Variants in REDIC1 observed in about 807,000 individuals in gnomAD.
REDIC1 encodes regulator of DNA class I crossover intermediates 1, also known as HEI10 Interacting Protein 1.
the REDIC1 span, chr12:39,647,720 A>G: frequency 9.0e-7 from 1 of 1,113,528 alleles, no homozygotes; most frequent in Non-Finnish European, 1.2e-6. Context: ...TTTTAATTTC[A>G]CTATTTTGAC....
the REDIC1 span, among the ~76,000 whole-genome samples, chr12:39,730,095 G>T: frequency 2.0e-5 from 3 of 152,062 alleles, no homozygotes; most frequent in Admixed American, 6.6e-5. Flanking sequence ...ACACCTATGG[G>T]TCTTGAATTT....
chr12:39,799,781 C>G, the REDIC1 span, among the ~76,000 whole-genome samples: 1 of 152,212 alleles, frequency 6.6e-6, no homozygotes, highest in African/African-American at 2.4e-5. Flanking sequence ...CAGGATAACA[C>G]ATTCACATTA....
At chr12:39,669,112 A>C in the REDIC1 span, among the ~76,000 whole-genome samples, 40 of 152,102 alleles carry the variant, frequency 2.6e-4, no homozygotes, top group Admixed American at 2.6e-3. Context: ...GCGTTCCTTT[A>C]GAGTAGGAGA....
chr12:39,724,034 T>C, the REDIC1 span, among the ~76,000 whole-genome samples: 1 of 152,146 alleles, frequency 6.6e-6, no homozygotes, highest in South Asian at 2.1e-4. Flanking sequence ...CAGCTGCCAG[T>C]GCATGACTCA....
chr12:39,824,404 G>A, the REDIC1 span, among the ~76,000 whole-genome samples: 1 of 152,152 alleles, frequency 6.6e-6, no homozygotes, highest in African/African-American at 2.4e-5. Context: ...ATTCAATCAG[G>A]GGTCAGATGA....
At chr12:39,666,899 G>A in the REDIC1 span, among the ~76,000 whole-genome samples, 1 of 152,144 alleles carries the variant, frequency 6.6e-6, no homozygotes, top group Non-Finnish European at 1.5e-5. Flanking sequence ...ATTTCTGTGG[G>A]ATTGGTAGTG....
At chr12:39,814,714 C>T in the REDIC1 span, among the ~76,000 whole-genome samples, 2 of 152,130 alleles carry the variant, frequency 1.3e-5, no homozygotes, top group East Asian at 3.9e-4. Context: ...ACAAACCCTG[C>T]CTATCCTTCA....
the REDIC1 span, chr12:39,802,397 C>G: frequency 2.0e-5 from 3 of 151,922 alleles, no homozygotes; most frequent in African/African-American, 7.3e-5. Context: ...GTCTGAGAAA[C>G]AGAAAAAAGA....
chr12:39,660,050 T>A, the REDIC1 span, among the ~76,000 whole-genome samples: 2 of 152,092 alleles, frequency 1.3e-5, no homozygotes, highest in Non-Finnish European at 1.5e-5. Context: ...CCTTGAATTA[T>A]GAAATTTTCC....
the REDIC1 span, among the ~76,000 whole-genome samples, chr12:39,896,609 T>C: frequency 2.0e-5 from 3 of 151,420 alleles, no homozygotes; most frequent in Non-Finnish European, 4.4e-5. Context: ...TGTATGTATA[T>C]GTGTTTATAT....
the REDIC1 span, among the ~76,000 whole-genome samples, chr12:39,794,323 A>G: frequency 5.6e-3 from 848 of 152,224 alleles, 6 homozygotes; most frequent in Non-Finnish European, 9.5e-3. Flanking sequence ...AATTTCTGAC[A>G]GACACTCTTT....
the REDIC1 span, among the ~76,000 whole-genome samples, chr12:39,812,771 G>C: frequency 2.0e-5 from 3 of 148,160 alleles, no homozygotes; most frequent in Non-Finnish European, 4.5e-5. Flanking sequence ...TGCACCTGGC[G>C]GTTTCTAATT....
At chr12:39,885,598 T>C in the REDIC1 span, among the ~76,000 whole-genome samples, 1 of 152,102 alleles carries the variant, frequency 6.6e-6, no homozygotes, top group African/African-American at 2.4e-5. Context: ...GAATATTATA[T>C]TACCACCGAA....
At chr12:39,852,156 C>G in the REDIC1 span, among the ~76,000 whole-genome samples, 2 of 152,160 alleles carry the variant, frequency 1.3e-5, no homozygotes, top group Non-Finnish European at 2.9e-5. Flanking sequence ...TATAAAATAA[C>G]TAGCATGGTA....
the REDIC1 span, chr12:39,640,820 G>A: frequency 1.9e-6 from 1 of 533,188 alleles, no homozygotes; most frequent in South Asian, 4.4e-5. Flanking sequence ...TATTTTTATA[G>A]TTTCTTTTCA....
the REDIC1 span, among the ~76,000 whole-genome samples, chr12:39,663,708 A>G: frequency 1.3e-5 from 2 of 151,858 alleles, no homozygotes; most frequent in Non-Finnish European, 2.9e-5. Flanking sequence ...GTAACATTTG[A>G]GTCGTTTTTC....
the REDIC1 span, among the ~76,000 whole-genome samples, chr12:39,679,231 A>G: frequency 6.6e-6 from 1 of 152,202 alleles, no homozygotes; most frequent in African/African-American, 2.4e-5. Context: ...CTGTTCACCA[A>G]TGACATAATA....
At chr12:39,754,254 A>G in the REDIC1 span, 1 of 152,166 alleles carries the variant, frequency 6.6e-6, no homozygotes, top group African/African-American at 2.4e-5. Flanking sequence ...TTTATTCCAC[A>G]GGATTGGACA....
At chr12:39,721,062 A>G in the REDIC1 span, 1 of 1,613,828 alleles carries the variant, frequency 6.2e-7, no homozygotes, top group East Asian at 2.2e-5. Flanking sequence ...TGCAGGCTGC[A>G]AGGTGTGATG....
Sources: gnomAD v4.1 joint callset for allele counts (sites outside exome capture counted in the v4.1 genomes callset) on GRCh38, gnomAD v4.1.1 for gene constraint, MANE v1.5 for transcripts, NCBI Gene and HGNC (gene_info 2026-07-23, HGNC 2026-07-21) for gene names.